MARK2: variants seen among roughly 807,000 people sequenced by gnomAD.
The protein encoded by MARK2 is microtubule affinity regulating kinase 2.
In MARK2, 16 loss-of-function variants were observed where a neutral mutation model predicts 89.8. The observed-to-expected ratio is 0.18, with a 90% CI of 0.12 to 0.27. The LOEUF is 0.27. Ranked by LOEUF, MARK2 falls within the 10% of genes least tolerant of loss-of-function variation. The probability of loss-of-function intolerance (pLI) is 1.00; values close to 1 mark genes in which losing one functional copy is unlikely to be tolerated. For missense variants in MARK2, 621 were observed against 1,049.9 expected (o/e 0.59, Z 5.65); for synonymous variants, 382 against 399.5 (o/e 0.96, Z 0.52).
intron 1 of MARK2, among the ~76,000 whole-genome samples, chr11:63,864,255 A>T (rs546228612): frequency 7.4e-6 from 1 of 135,736 alleles, no homozygotes; most frequent in African/African-American, 2.8e-5. Context: ...CGCCCAGCCT[A>T]TTTATTTATT....
Position 63,903,220 on chromosome 11 carries a change from T to C in MARK2, c.1514+62T>C. On this transcript the variant is annotated intron_variant, in intron 14 of 18. Coordinates refer to ENST00000402010, the MANE Select transcript of MARK2 (RefSeq NM_001039469.3). The surrounding 1 kb of genome is among the most constrained non-coding windows in gnomAD (Gnocchi z 5.1). Reference sequence around the variant, plus strand: ...GAGCCATGTCTCACAGGGTGATGTCTGTCAGCAGCACCGTCTCCTGTCCCT... The same window carrying C: ...GAGCCATGTCTCACAGGGTGATGTCCGTCAGCAGCACCGTCTCCTGTCCCT... 1.6e-6 allele frequency: 2 copies of C among 1,266,976 alleles called. No homozygotes were observed. Among genetic ancestry groups the C allele is most frequent in the Non-Finnish European group, 2.3e-6 (2 of 871,860 alleles). The allele number at this position is 1,266,976 out of a possible 1,614,324, so 78.5% of individuals were successfully genotyped here. A position where few individuals can be genotyped will look rare whatever the true frequency, so the allele number is the denominator to read the frequency against.
At chr11:63,863,024 C>T (rs900929195) in intron 1 of MARK2, among the ~76,000 whole-genome samples, 6 of 152,210 alleles carry the variant, frequency 3.9e-5, no homozygotes, top group Non-Finnish European at 7.3e-5. Flanking sequence ...CCTTGACTGC[C>T]AGCAGCCCTG....
At position 63,852,032 on chromosome 11, in the gene MARK2, A is replaced by C. The variant is rs965940187; in HGVS notation, c.54+12472A>C. On this transcript the variant is annotated intron_variant, in intron 1 of 18. Transcript: ENST00000402010. ...TCAGACTCTTTCAGGTGATGCACGA[A>C]GTCAAAATTCTGTTCATAGTAACGT... Among the ~76,000 whole-genome samples the C allele has an allele frequency of 5.1e-4, 78 of 152,332 alleles. 1 individual carries two copies. The highest frequency in any genetic ancestry group is 1.8e-3 in the African/African-American group (75 of 41,586).
Position 63,903,024 on chromosome 11 carries a change from G to A in MARK2, c.1417-37G>A. The stretch of plus-strand genomic sequence containing the variant: ...GAGAACCTGGCTGTAGACCACTTTG[G>A]CTTTCTGATAGAACGCTTGCCCTTT... On this transcript the variant is annotated intron_variant, in intron 13 of 18. Transcript: ENST00000402010. This position sits in a 1 kb window ranked among gnomAD's most constrained non-coding sequence, Gnocchi z 5.1. 2 of 1,581,846 alleles carry A rather than the reference G, an allele frequency of 1.3e-6. No individual in the cohort carries two copies. Among genetic ancestry groups the A allele is most frequent in the South Asian group, 2.2e-5 (2 of 90,340 alleles).
At chr11:63,875,146 A>G (rs1938672902) in intron 1 of MARK2, among the ~76,000 whole-genome samples, 1 of 132,928 alleles carries the variant, frequency 7.5e-6, no homozygotes, top group South Asian at 2.4e-4. Flanking sequence ...TTTGAGGTAG[A>G]GTCTCACTCT....
rs527439560 is a variant in MARK2 at position 63,866,373 on chromosome 11, A to G, written c.54+26813A>G. Among the ~76,000 whole-genome samples the G allele has an allele frequency of 4.7e-5, 7 of 150,532 alleles. No individual in the cohort carries two copies. The East Asian group carries it at 9.7e-4, about 21-fold the overall frequency. Reference sequence around the variant, plus strand: ...TCTCAAAAAAAAAAAAAAAAAAAGTAGTGTTTAAAAGCAAACACCCTGCCT... The same window carrying G: ...TCTCAAAAAAAAAAAAAAAAAAAGTGGTGTTTAAAAGCAAACACCCTGCCT... On this transcript the variant is annotated intron_variant, in intron 1 of 18. Coordinates refer to ENST00000402010, the MANE Select transcript of MARK2 (RefSeq NM_001039469.3).
At position 63,906,070 on chromosome 11, in the gene MARK2, T is replaced by G. The variant is rs1290307182; in HGVS notation, c.1935-18T>G. 1 of 1,356,996 alleles carries G rather than the reference T, an allele frequency of 7.4e-7. No individual in the cohort carries two copies. Among genetic ancestry groups the G allele is most frequent in the Non-Finnish European group, 9.5e-7 (1 of 1,051,348 alleles). 84.1% of individuals were successfully genotyped at this position (1,356,996 alleles called of 1,614,324 possible). ...TATTTCTTTTTTTATTTTGTCTTTTTTTTGTTTGTTTTTTTAGAAATCTGT... is the reference window on the plus strand; with the variant it reads ...TATTTCTTTTTTTATTTTGTCTTTTGTTTGTTTGTTTTTTTAGAAATCTGT... On this transcript the variant is annotated intron_variant, in intron 16 of 18. Coordinates refer to ENST00000402010, the MANE Select transcript of MARK2 (RefSeq NM_001039469.3).
rs1436933580 is a variant in MARK2 at position 63,898,708 on chromosome 11, C to T, written c.403+35C>T. ...GAACTGCCTCTTCCTGTTGTGCCCC[C>T]ACTTCTTCCACCTCCAGCCAGCTCT... On this transcript the variant is annotated intron_variant, in intron 5 of 18. Coordinates refer to ENST00000402010, the MANE Select transcript of MARK2 (RefSeq NM_001039469.3). 5 of 1,610,946 alleles carry T rather than the reference C, an allele frequency of 3.1e-6. No individual in the cohort carries two copies. The African/African-American group carries it at 5.3e-5, about 17-fold the overall frequency.
chr11:63,883,220 C>T (rs1939201870), intron 1 of MARK2, among the ~76,000 whole-genome samples: 1 of 152,164 alleles, frequency 6.6e-6, no homozygotes, highest in African/African-American at 2.4e-5. Context: ...CTGGCAGGAC[C>T]ACTGTCGTCA....
intron 3 of MARK2, among the ~76,000 whole-genome samples, chr11:63,896,482 A>G (rs1940412166): frequency 6.6e-6 from 1 of 152,226 alleles, no homozygotes. Context: ...GGCAAATCAG[A>G]TATTTTCTCC....
intron 3 of MARK2, among the ~76,000 whole-genome samples, chr11:63,896,542 CAG>C (rs1212508676): frequency 2.0e-5 from 3 of 152,212 alleles, no homozygotes; most frequent in African/African-American, 4.8e-5. Flanking sequence ...TTCGTGCTAA[CAG>C]AGTCAGATAG....
intron 1 of MARK2, among the ~76,000 whole-genome samples, chr11:63,887,069 A>T (rs1324995376): frequency 1.3e-5 from 2 of 152,176 alleles, no homozygotes; most frequent in Non-Finnish European, 2.9e-5. Context: ...AGGCCTTTAA[A>T]CAGCACTTCA....
intron 1 of MARK2, among the ~76,000 whole-genome samples, chr11:63,887,451 A>G (rs1221795394): frequency 6.6e-6 from 1 of 152,264 alleles, no homozygotes; most frequent in African/African-American, 2.4e-5. Context: ...CAGTAGCATC[A>G]GAAATGCTGA....
At chr11:63,887,083 T>C (rs549256501) in intron 1 of MARK2, among the ~76,000 whole-genome samples, 1 of 152,198 alleles carries the variant, frequency 6.6e-6, no homozygotes, top group Non-Finnish European at 1.5e-5. Context: ...CACTTCACCA[T>C]TGGCCTGAAT....
chr11:63,902,998 G>C lies in MARK2; in HGVS notation c.1417-63G>C. 2 of 1,404,596 alleles carry C rather than the reference G, an allele frequency of 1.4e-6. No homozygotes were observed. Among genetic ancestry groups the C allele is most frequent in the Non-Finnish European group, 2.0e-6 (2 of 991,308 alleles). The allele number at this position is 1,404,596 out of a possible 1,614,324, so 87.0% of individuals were successfully genotyped here. A position where few individuals can be genotyped will look rare whatever the true frequency, so the allele number is the denominator to read the frequency against. On this transcript the variant is annotated intron_variant, in intron 13 of 18. Transcript: ENST00000402010. The surrounding 1 kb of genome is among the most constrained non-coding windows in gnomAD (Gnocchi z 4.2). The stretch of plus-strand genomic sequence containing the variant: ...GGAAGCCTGTTCCATGAACCTGGGG[G>C]GAGAACCTGGCTGTAGACCACTTTG...
At chr11:63,874,732 G>T (rs983551010) in intron 1 of MARK2, among the ~76,000 whole-genome samples, 1 of 152,162 alleles carries the variant, frequency 6.6e-6, no homozygotes, top group South Asian at 2.1e-4. Flanking sequence ...AGAACTTGTC[G>T]GCCCAGCTCA....
At chr11:63,898,418 A>G in intron 4 of MARK2, 138 bp downstream of exon 4, 9 of 979,008 alleles carry the variant, frequency 9.2e-6, no homozygotes, top group Non-Finnish European at 9.7e-6. Context: ...TCAGCTCAAA[A>G]TCCATCTCCC....
chr11:63,894,915 G>T (rs958559149), intron 1 of MARK2, among the ~76,000 whole-genome samples: 1 of 152,076 alleles, frequency 6.6e-6, no homozygotes, highest in African/African-American at 2.4e-5. Context: ...TGATGGGACA[G>T]CTCTGCTCCT....
At position 63,895,346 on chromosome 11, in the gene MARK2, C is replaced by T. The variant is rs765631315; in HGVS notation, c.234+8C>T. On this transcript the variant is annotated splice_region_variant and intron_variant, in intron 2 of 18. Coordinates refer to ENST00000402010, the MANE Select transcript of MARK2 (RefSeq NM_001039469.3). ...ATCCTGACTGGGAAAGAGGTGAGCACTGGGACTGGGGACATGGCAGCACCT... is the reference window on the plus strand; with the variant it reads ...ATCCTGACTGGGAAAGAGGTGAGCATTGGGACTGGGGACATGGCAGCACCT... 3 of 1,611,978 alleles carry T rather than the reference C, an allele frequency of 1.9e-6. No homozygotes were observed. Among genetic ancestry groups the T allele is most frequent in the Non-Finnish European group, 2.5e-6 (3 of 1,178,494 alleles).
Sources: allele counts gnomAD v4.1 joint callset (sites outside exome capture counted in the v4.1 genomes callset), GRCh38; gene constraint gnomAD v4.1.1; non-coding constraint Gnocchi (gnomAD v3.1); transcripts MANE v1.5; gene names NCBI Gene and HGNC (gene_info 2026-07-23, HGNC 2026-07-21).